Variants in SRXN1 observed in about 807,000 individuals in gnomAD.
SRXN1 encodes the protein sulfiredoxin-1.
SRXN1 carries 11 observed loss-of-function variants against 11.0 expected under a neutral mutation model. The observed-to-expected ratio is 1.00, with a 90% CI of 0.63 to 1.65. SRXN1 has a LOEUF of 1.65. SRXN1 is among the 40% of genes most tolerant of loss of function. SRXN1 has a pLI of 0.00. For missense variants in SRXN1, 211 were observed against 194.5 expected (o/e 1.08, Z -0.50); for synonymous variants, 106 against 92.8 (o/e 1.14, Z -0.82).
At chr20:652,927 C>A in intron 1 of SRXN1, 49 bp downstream of exon 1, 1 of 1,359,588 alleles carries the variant, frequency 7.4e-7, no homozygotes, top group Non-Finnish European at 9.6e-7. Context: ...CGGCAACCTC[C>A]CTCCTCCGAA....
intron 1 of SRXN1, among the ~76,000 whole-genome samples, chr20:649,733 G>C (rs1983626385): frequency 6.6e-6 from 1 of 151,364 alleles, no homozygotes; most frequent in African/African-American, 2.4e-5. Flanking sequence ...AAGTGGAATA[G>C]TTTCGATTAA....
Position 648,844 on chromosome 20 carries a change from G to T in SRXN1, c.284C>A (p.Ser95Tyr). The T allele has an allele frequency of 1.2e-6, 2 of 1,614,200 alleles. No individual in the cohort carries two copies. The highest frequency in any genetic ancestry group is 1.1e-5 in the South Asian group (1 of 91,086). ...KGAQGGDYFY[S>Y]FGGCHRYAAY... Reference sequence around the variant, plus strand: ...CGCGTAGCGGTGGCAGCCCCCAAAGGAGTAGAAGTAGTCACCTCCCTGGGC... The same window carrying T: ...CGCGTAGCGGTGGCAGCCCCCAAAGTAGTAGAAGTAGTCACCTCCCTGGGC... The change falls in exon 2 of 2, where the codon TCC becomes TAC. Residue 95 changes from serine to tyrosine, a missense_variant. Ser to Tyr is a moderately radical substitution (Grantham distance 144, BLOSUM62 -2). Transcript: ENST00000381962.
At chr20:650,243 A>G (rs1393329160) in intron 1 of SRXN1, among the ~76,000 whole-genome samples, 3 of 152,214 alleles carry the variant, frequency 2.0e-5, no homozygotes, top group Non-Finnish European at 4.4e-5. Context: ...GACAGGGCAC[A>G]GGGCTGGAAG....
At position 648,773 on chromosome 20, in the gene SRXN1, G is replaced by A. The variant is rs1166418012; in HGVS notation, c.355C>T (p.Gln119Ter). 1.2e-6 allele frequency: 2 copies of A among 1,614,132 alleles called. No individual in the cohort carries two copies. Among genetic ancestry groups the A allele is most frequent in the African/African-American group, 2.7e-5 (2 of 74,946 alleles). Residue 119 changes from glutamine to a stop codon, truncating the protein, a stop_gained, in exon 2 of 2, where the codon CAG (glutamine) becomes TAG (stop). Transcript: ENST00000381962. LOFTEE classifies it high-confidence loss of function. Reference protein sequence around the residue: ...QRETIPAKLVQSTLSDLRVYL... With the variant: ...QRETIPAKLV ...ACCCTTAGGTCTGAGAGAGTGGACT[G>A]GACAAGCTTGGCGGGGATGGTCTCT...
chr20:652,839 G>A (rs1032790056), intron 1 of SRXN1, 137 bp downstream of exon 1: 2 of 1,267,788 alleles, frequency 1.6e-6, no homozygotes, highest in Non-Finnish European at 2.0e-6. Context: ...ACTTGCTCAA[G>A]GTCACACAGC....
At chr20:648,948 A>C (rs1366907087) in intron 1 of SRXN1, 31 bp from the exon 2 acceptor site, 1 of 1,611,380 alleles carries the variant, frequency 6.2e-7, no homozygotes, top group East Asian at 2.2e-5. Flanking sequence ...GTCAATGGAC[A>C]TGGTACAAGG....
intron 1 of SRXN1, among the ~76,000 whole-genome samples, chr20:652,325 GCCTAA>G (rs996783838): frequency 2.0e-5 from 3 of 152,128 alleles, no homozygotes; most frequent in Non-Finnish European, 2.9e-5. Flanking sequence ...CGTTATGTAG[GCCTAA>G]CCTGACACCT....
chr20:649,900 T>C (rs1240162689), intron 1 of SRXN1, among the ~76,000 whole-genome samples: 2 of 152,140 alleles, frequency 1.3e-5, no homozygotes, highest in South Asian at 2.1e-4. Context: ...GGTTAATATA[T>C]ATAAAGCACT....
At position 648,844 on chromosome 20, in the gene SRXN1, GAGT is replaced by G. The variant is rs746069308; in HGVS notation, c.281_283del (p.Tyr94del). On this transcript the variant is annotated inframe_deletion, in exon 2 of 2. Transcript: ENST00000381962. ...CGCGTAGCGGTGGCAGCCCCCAAAG[GAGT>G]AGAAGTAGTCACCTCCCTGGGCCCC... The G allele has an allele frequency of 6.2e-7, 1 of 1,614,200 alleles. No homozygotes were observed. The highest frequency in any genetic ancestry group is 2.2e-5 in the East Asian group (1 of 44,890).
intron 1 of SRXN1, among the ~76,000 whole-genome samples, 158 bp from the exon 2 acceptor site, chr20:649,075 C>G (rs1413396899): frequency 6.6e-6 from 1 of 152,238 alleles, no homozygotes; most frequent in African/African-American, 2.4e-5. Flanking sequence ...AGCTGTTCGA[C>G]ATCACCTTGT....
intron 1 of SRXN1, among the ~76,000 whole-genome samples, chr20:652,060 T>C (rs544282770): frequency 3.3e-5 from 5 of 152,184 alleles, no homozygotes; most frequent in Non-Finnish European, 5.9e-5. Context: ...ACATAAGTGG[T>C]ATCCTGAAAA....
At chr20:652,862 C>T in intron 1 of SRXN1, 114 bp downstream of exon 1, 1 of 1,294,206 alleles carries the variant, frequency 7.7e-7, no homozygotes, top group South Asian at 2.2e-5. Context: ...AGGCTGAGCT[C>T]CGGCTGGGCC....
chr20:648,432 G>A lies in SRXN1; in HGVS notation c.*282C>T. On this transcript the variant is annotated 3_prime_UTR_variant, in exon 2 of 2. Transcript: ENST00000381962. Reference sequence around the variant, plus strand: ...GGATCCTTGTCCTTGGGAATTTGGAGCCGGCAGCACGTGGCTCTTCAAGCC... The same window carrying A: ...GGATCCTTGTCCTTGGGAATTTGGAACCGGCAGCACGTGGCTCTTCAAGCC... The A allele has an allele frequency of 1.7e-6, 1 of 599,480 alleles. No homozygotes were observed. Among genetic ancestry groups the A allele is most frequent in the Non-Finnish European group, 3.1e-6 (1 of 319,008 alleles). 37.1% of individuals were successfully genotyped at this position (599,480 alleles called of 1,614,324 possible). A position where few individuals can be genotyped will look rare whatever the true frequency, so the allele number is the denominator to read the frequency against.
Position 647,893 on chromosome 20 carries a change from A to G in SRXN1, c.*821T>C. 2.8e-6 allele frequency: 1 copy of G among 353,392 alleles called. No individual in the cohort carries two copies. Among genetic ancestry groups the G allele is most frequent in the Non-Finnish European group, 5.6e-6 (1 of 178,760 alleles). 21.9% of individuals were successfully genotyped at this position (353,392 alleles called of 1,614,324 possible). On this transcript the variant is annotated 3_prime_UTR_variant, in exon 2 of 2. Coordinates refer to ENST00000381962, the MANE Select transcript of SRXN1 (RefSeq NM_080725.3). ...GGTAATGGGATCCCAGTTTTATTGCAGGAGGCAGTGTGCCAGTCTCAGTAG... is the reference window on the plus strand; with the variant it reads ...GGTAATGGGATCCCAGTTTTATTGCGGGAGGCAGTGTGCCAGTCTCAGTAG...
Position 648,187 on chromosome 20 carries a change from A to G in SRXN1, c.*527T>C, listed in dbSNP as rs781732980. 1.5e-4 allele frequency: 69 copies of G among 456,168 alleles called. No homozygotes were observed. Among genetic ancestry groups the G allele is most frequent in the Middle Eastern group, 3.2e-4 (1 of 3,096 alleles). The allele number at this position is 456,168 out of a possible 1,614,324, so 28.3% of individuals were successfully genotyped here. ...TTGGGGATACAGCAGCCATCTTGGGACCATGAAGTAACGAGCACTGAGATT... is the reference window on the plus strand; with the variant it reads ...TTGGGGATACAGCAGCCATCTTGGGGCCATGAAGTAACGAGCACTGAGATT... On this transcript the variant is annotated 3_prime_UTR_variant, in exon 2 of 2. Coordinates refer to ENST00000381962, the MANE Select transcript of SRXN1 (RefSeq NM_080725.3).
At chr20:648,942 A>G (rs973058687) in intron 1 of SRXN1, 25 bp from the exon 2 acceptor site, 4 of 1,612,602 alleles carry the variant, frequency 2.5e-6, no homozygotes, top group Non-Finnish European at 2.5e-6. Flanking sequence ...CACAGAGTCA[A>G]TGGACATGGT....
chr20:653,164 T>C lies in SRXN1; in HGVS notation c.22A>G (p.Thr8Ala). 1.6e-6 allele frequency: 2 copies of C among 1,273,522 alleles called. No homozygotes were observed. The highest frequency in any genetic ancestry group is 2.0e-6 in the Non-Finnish European group (2 of 1,013,184). 78.9% of individuals were successfully genotyped at this position (1,273,522 alleles called of 1,614,324 possible). A position where few individuals can be genotyped will look rare whatever the true frequency, so the allele number is the denominator to read the frequency against. MGLRAGG[T>A]LGRAGAGRGA... ...CGACCCGCGCCGGCCCTGCCCAGCG[T>C]TCCTCCTGCACGCAGCCCCATCGTC... The change falls in exon 1 of 2, where the codon ACG becomes GCG. Residue 8 changes from threonine to alanine, a missense_variant. Physicochemically the swap from Thr to Ala is moderately conservative, Grantham distance 58. Transcript: ENST00000381962.
chr20:648,638 C>T lies in SRXN1; in HGVS notation c.*76G>A. On this transcript the variant is annotated 3_prime_UTR_variant, in exon 2 of 2. Coordinates refer to ENST00000381962, the MANE Select transcript of SRXN1 (RefSeq NM_080725.3). ...AGAGAATGCACCCCTGCTATCCCTT[C>T]TGCATGGCCCAGCCTGCTGGAGGCC... is the stretch of plus-strand genomic sequence containing the variant. The T allele has an allele frequency of 6.5e-7, 1 of 1,537,234 alleles. No individual in the cohort carries two copies. Among genetic ancestry groups the T allele is most frequent in the Non-Finnish European group, 9.0e-7 (1 of 1,115,528 alleles).
chr20:653,198 C>T lies in SRXN1; in HGVS notation c.-13G>A. ...CACGCAGCCCCATCGTCGCCGCCGC[C>T]GCGGGACTCGCCGCCTCCCCCCGGC... is the stretch of plus-strand genomic sequence containing the variant. On this transcript the variant is annotated 5_prime_UTR_variant, in exon 1 of 2. Coordinates refer to ENST00000381962, the MANE Select transcript of SRXN1 (RefSeq NM_080725.3). 8.2e-7 allele frequency: 1 copy of T among 1,223,788 alleles called. No individual in the cohort carries two copies. The highest frequency in any genetic ancestry group is 3.8e-5 in the East Asian group (1 of 26,236). The allele number at this position is 1,223,788 out of a possible 1,614,324, so 75.8% of individuals were successfully genotyped here.
Sources: gnomAD v4.1 joint callset for allele counts (sites outside exome capture counted in the v4.1 genomes callset) on GRCh38, gnomAD v4.1.1 for gene constraint, MANE v1.5 for transcripts, NCBI Gene and HGNC (gene_info 2026-07-23, HGNC 2026-07-21) for gene names.